TOPBP1: variants seen among roughly 807,000 people sequenced by gnomAD.
The protein encoded by TOPBP1 is DNA topoisomerase II binding protein 1, also known as DNA topoisomerase 2-binding protein 1.
A neutral mutation model predicts 167.7 loss-of-function variants in TOPBP1; 28 were observed. The observed-to-expected ratio is 0.17, with a 90% confidence interval of 0.12 to 0.23. The LOEUF is 0.23. Ranked by LOEUF, TOPBP1 falls within the 10% of genes least tolerant of loss-of-function variation. The pLI is 1.00. For missense variants in TOPBP1, 1,554 were observed against 1,809.6 expected (o/e 0.86, Z 2.56); for synonymous variants, 598 against 611.4 (o/e 0.98, Z 0.32).
At position 133,624,163 on chromosome 3, in the gene TOPBP1, A is replaced by G. The variant is rs1935192517; in HGVS notation, c.2817T>C (p.Asp939=). The part of the protein sequence containing the change: ...SLGADYRWSF[D]ETVTHFIYQG... ...GATAGATGAAATGAGTCACTGTTTC[A>G]TCAAAACTCCACCTGAAATAACCAA... The change falls in exon 17 of 28, where the codon GAT becomes GAC. Residue 939 remains aspartate, a synonymous_variant. Transcript: ENST00000260810. The G allele has an allele frequency of 6.2e-7, 1 of 1,613,474 alleles. No homozygotes were observed.
chr3:133,642,921 G>T (rs1935944087), intron 12 of TOPBP1, among the ~76,000 whole-genome samples: 1 of 151,852 alleles, frequency 6.6e-6, no homozygotes, highest in Non-Finnish European at 1.5e-5. Context: ...TACTTTATTT[G>T]GTGTCATTAT....
chr3:133,650,703 C>A (rs1333449275), intron 8 of TOPBP1, among the ~76,000 whole-genome samples: 2 of 152,076 alleles, frequency 1.3e-5, no homozygotes, highest in Admixed American at 1.3e-4. Context: ...AATTAAATCA[C>A]CCCCATTACT....
chr3:133,640,720 CTTAA>C (rs1217704835), intron 12 of TOPBP1, among the ~76,000 whole-genome samples: 1 of 151,974 alleles, frequency 6.6e-6, no homozygotes, highest in Non-Finnish European at 1.5e-5. Flanking sequence ...AAATTACCTC[CTTAA>C]TTAGTTATCA....
chr3:133,624,939 T>C (rs965988198), intron 16 of TOPBP1, among the ~76,000 whole-genome samples: 7 of 152,212 alleles, frequency 4.6e-5, no homozygotes, highest in South Asian at 2.1e-4. Context: ...TATTATATTA[T>C]GCTATGATCT....
intron 5 of TOPBP1, among the ~76,000 whole-genome samples, chr3:133,656,283 C>T (rs991082583): frequency 1.2e-4 from 18 of 151,988 alleles, no homozygotes; most frequent in African/African-American, 4.1e-4. Context: ...CTTACATATG[C>T]CATCTTTTGG....
intron 20 of TOPBP1, among the ~76,000 whole-genome samples, chr3:133,619,396 T>C (rs1388292515): frequency 6.6e-6 from 1 of 152,198 alleles, no homozygotes; most frequent in Non-Finnish European, 1.5e-5. Context: ...TATCTTATAC[T>C]TAATTCAATT....
At chr3:133,650,074 A>G in intron 8 of TOPBP1, 131 bp from the exon 9 acceptor site, 1 of 765,090 alleles carries the variant, frequency 1.3e-6, no homozygotes, top group Non-Finnish European at 1.9e-6. Context: ...GAATAAATAC[A>G]TTCTGAAACT....
At chr3:133,621,704 A>G (rs899106915) in intron 19 of TOPBP1, among the ~76,000 whole-genome samples, 12 of 152,340 alleles carry the variant, frequency 7.9e-5, no homozygotes, top group Admixed American at 6.5e-4. Context: ...TTTAAAGCCT[A>G]AACTCTGGAG....
At chr3:133,609,045 T>C in intron 25 of TOPBP1, 83 bp from the exon 26 acceptor site, 3 of 1,122,126 alleles carry the variant, frequency 2.7e-6, no homozygotes, top group Non-Finnish European at 3.8e-6. Context: ...ATCTGTAGAC[T>C]TAGTTTTGTC....
At chr3:133,647,153 A>G (rs1374781754) in intron 10 of TOPBP1, among the ~76,000 whole-genome samples, 2 of 152,142 alleles carry the variant, frequency 1.3e-5, no homozygotes, top group East Asian at 3.8e-4. Flanking sequence ...ACCAACAACA[A>G]ATCTGCCCTG....
Position 133,659,162 on chromosome 3 carries a change from A to T in TOPBP1, c.85-12T>A, listed in dbSNP as rs776950834. 4.3e-5 allele frequency: 67 copies of T among 1,542,120 alleles called. 1 individual carries two copies. In the South Asian group the frequency reaches 7.6e-4, roughly 17 times the overall value. On this transcript the variant is annotated splice_polypyrimidine_tract_variant and intron_variant, in intron 2 of 27. Coordinates refer to ENST00000260810, the MANE Select transcript of TOPBP1 (RefSeq NM_007027.4). ...AATTCTTTTATGGACTGAAAGAAAA[A>T]ATAAAATAAGAATGTACCTGAAATT...
intron 13 of TOPBP1, among the ~76,000 whole-genome samples, chr3:133,638,657 T>C (rs1935762179): frequency 6.6e-6 from 1 of 152,214 alleles, no homozygotes; most frequent in African/African-American, 2.4e-5. Flanking sequence ...TACCAGTCTG[T>C]CTGGCAAAAT....
chr3:133,648,758 A>G (rs1388254560), intron 10 of TOPBP1, among the ~76,000 whole-genome samples: 1 of 152,128 alleles, frequency 6.6e-6, no homozygotes, highest in Non-Finnish European at 1.5e-5. Context: ...AGATCATGCC[A>G]CTACACTCCA....
chr3:133,621,910 A>G (rs1935100860), intron 19 of TOPBP1, among the ~76,000 whole-genome samples: 1 of 152,224 alleles, frequency 6.6e-6, no homozygotes, highest in Admixed American at 6.5e-5. Context: ...CTAAATGCCT[A>G]TTAAGAATGG....
rs202166814 is a variant in TOPBP1, at chr3:133,649,825, T to C, written c.1208A>G (p.Asp403Gly). 96 of 1,611,276 alleles carry C rather than the reference T, an allele frequency of 6.0e-5. No individual in the cohort carries two copies. In the East Asian group the frequency reaches 1.7e-3, roughly 28 times the overall value. The part of the protein sequence containing the change: ...NEDVTHVIVG[D>G]YDDELKQFWN... ...AAACTGCTTCAATTCATCATCATAA[T>C]CTCCCACAATAACATGAGTTACATC... Residue 403 changes from aspartate to glycine, a missense_variant, in exon 9 of 28, where the codon GAT becomes GGT. Physicochemically the swap from Asp to Gly is moderately conservative, Grantham distance 94 (BLOSUM62 -1). Transcript: ENST00000260810.
rs780609213 is a variant in TOPBP1, at chr3:133,643,388, G to C, written c.1849-16C>G. On this transcript the variant is annotated splice_polypyrimidine_tract_variant and intron_variant, in intron 11 of 27. Transcript: ENST00000260810. ...TGCAAGTAACCTTTTAAAAACAAAA[G>C]AAATAGTAAAGCCAACCTGAAATAA... The C allele has an allele frequency of 1.9e-6, 3 of 1,549,126 alleles. No individual in the cohort carries two copies. Among genetic ancestry groups the C allele is most frequent in the Non-Finnish European group, 2.6e-6 (3 of 1,152,690 alleles).
intron 23 of TOPBP1, among the ~76,000 whole-genome samples, chr3:133,613,070 A>G (rs1165012800): frequency 1.3e-5 from 2 of 152,212 alleles, no homozygotes; most frequent in East Asian, 3.9e-4. Context: ...CATGTTGGCC[A>G]GGCTGGTCTT....
chr3:133,637,969 T>C lies in TOPBP1; in HGVS notation c.2427A>G (p.Gly809=), dbSNP rs1295593301. The change falls in exon 14 of 28, where the codon GGA becomes GGG. Residue 809 remains glycine, a synonymous_variant. Coordinates refer to ENST00000260810, the MANE Select transcript of TOPBP1 (RefSeq NM_007027.4). ...ACGAGGGCTCCTTCTGAAGTGGTTG[T>C]CCTACTGCTGGGGAGGCTGCGACCT... ...ARQVAASPAV[G]QPLQKEPSLH... 22 of 1,613,964 alleles carry C rather than the reference T, an allele frequency of 1.4e-5. No homozygotes were observed. Among genetic ancestry groups the C allele is most frequent in the Non-Finnish European group, 1.8e-5 (21 of 1,179,860 alleles).
intron 13 of TOPBP1, among the ~76,000 whole-genome samples, chr3:133,638,672 A>T (rs978473279): frequency 1.3e-5 from 2 of 152,206 alleles, no homozygotes; most frequent in Non-Finnish European, 2.9e-5. Flanking sequence ...CAAAATAAGT[A>T]ATGACTCTGA....
Sources: allele counts gnomAD v4.1 joint callset (sites outside exome capture counted in the v4.1 genomes callset), GRCh38; gene constraint gnomAD v4.1.1; transcripts MANE v1.5; gene names NCBI Gene and HGNC (gene_info 2026-07-23, HGNC 2026-07-21).